The following GRIK1 variants were observed in gnomAD, a reference collection of about 807,000 sequenced individuals.
The protein encoded by GRIK1 is glutamate ionotropic receptor kainate type subunit 1, also known as glutamate receptor ionotropic, kainate 1.
In GRIK1, 69 loss-of-function variants were observed where a neutral mutation model predicts 105.7. That is an observed-to-expected ratio of 0.65 (90% CI 0.54 to 0.80). The LOEUF (loss-of-function observed/expected upper bound fraction) is 0.80, where lower values mean the gene tolerates loss of function less well. GRIK1 is among the 30% of genes least tolerant of loss of function. GRIK1 has a pLI of 0.00. For synonymous variants in GRIK1, 438 were observed against 431.3 expected (o/e 1.02, Z -0.19); for missense variants, 1,109 against 1,167.3 (o/e 0.95, Z 0.73).
At chr21:29,565,122 T>A (rs2090582424) in intron 14 of GRIK1, among the ~76,000 whole-genome samples, 1 of 152,178 alleles carries the variant, frequency 6.6e-6, no homozygotes, top group African/African-American at 2.4e-5. Flanking sequence ...GTAGGGGACT[T>A]GGTAAGTTGA....
At chr21:29,635,833 G>A (rs1417840325) in intron 7 of GRIK1, among the ~76,000 whole-genome samples, 2 of 152,156 alleles carry the variant, frequency 1.3e-5, no homozygotes, top group East Asian at 3.9e-4. Flanking sequence ...GTGTACTGCT[G>A]GATGTCAAGA....
At chr21:29,893,299 T>C (rs1212679681) in intron 1 of GRIK1, among the ~76,000 whole-genome samples, 1 of 152,214 alleles carries the variant, frequency 6.6e-6, no homozygotes, top group Non-Finnish European at 1.5e-5. Flanking sequence ...ATTTTCTCGG[T>C]TTCTTCATCT....
intron 4 of GRIK1, among the ~76,000 whole-genome samples, chr21:29,661,003 T>C (rs2062951495): frequency 1.3e-5 from 2 of 152,214 alleles, no homozygotes; most frequent in South Asian, 4.1e-4. Context: ...TTGCTAACTG[T>C]AATATTTTAG....
chr21:29,800,076 T>C (rs2066661580), intron 1 of GRIK1, among the ~76,000 whole-genome samples: 1 of 152,240 alleles, frequency 6.6e-6, no homozygotes, highest in South Asian at 2.1e-4. Context: ...CATCGTTCTC[T>C]TATGCCATGG....
chr21:29,922,753 CCCTTTTACACTT>C (rs1410793263), intron 1 of GRIK1, among the ~76,000 whole-genome samples: 6 of 152,160 alleles, frequency 3.9e-5, no homozygotes, highest in South Asian at 2.1e-4. Context: ...TATTCCTCGG[CCCTTTTACACTT>C]CATTTTCTTT....
intron 1 of GRIK1, among the ~76,000 whole-genome samples, chr21:29,760,927 A>C (rs1030944821): frequency 6.6e-6 from 1 of 152,214 alleles, no homozygotes; most frequent in Non-Finnish European, 1.5e-5. Flanking sequence ...GACAGATTCC[A>C]AAGGATTATG....
At chr21:29,682,251 A>G (rs1243010803) in intron 3 of GRIK1, among the ~76,000 whole-genome samples, 1 of 152,240 alleles carries the variant, frequency 6.6e-6, no homozygotes, top group Non-Finnish European at 1.5e-5. Context: ...AGTGTTCAGT[A>G]GCCATTAACT....
At chr21:29,544,116 G>A (rs2090013576) in intron 16 of GRIK1, among the ~76,000 whole-genome samples, 2 of 152,066 alleles carry the variant, frequency 1.3e-5, no homozygotes, top group African/African-American at 4.8e-5. Flanking sequence ...TCTCCTAAAT[G>A]AGCTCTTTAA....
intron 1 of GRIK1, among the ~76,000 whole-genome samples, chr21:29,915,854 C>T (rs1569215417): frequency 6.6e-6 from 1 of 151,918 alleles, no homozygotes; most frequent in Non-Finnish European, 1.5e-5. Context: ...ATCCAGATCC[C>T]CTCTTTGTTT....
chr21:29,923,775 C>T (rs1277920651), intron 1 of GRIK1, among the ~76,000 whole-genome samples: 2 of 152,064 alleles, frequency 1.3e-5, no homozygotes, highest in African/African-American at 4.8e-5. Flanking sequence ...TCCCTTCAGC[C>T]TTATGTAATC....
At chr21:29,861,320 T>C (rs200696352) in intron 1 of GRIK1, among the ~76,000 whole-genome samples, 2 of 143,410 alleles carry the variant, frequency 1.4e-5, no homozygotes, top group Non-Finnish European at 3.1e-5. Flanking sequence ...TTTTTTTTTC[T>C]TTTGGAGACA....
At chr21:29,627,295 A>G (rs1568906485) in intron 7 of GRIK1, among the ~76,000 whole-genome samples, 2 of 152,346 alleles carry the variant, frequency 1.3e-5, no homozygotes, top group East Asian at 3.9e-4. Flanking sequence ...CATTACTAGC[A>G]TTTGGTAGAT....
chr21:29,554,013 C>T (rs1312463866), intron 16 of GRIK1, among the ~76,000 whole-genome samples: 1 of 152,086 alleles, frequency 6.6e-6, no homozygotes, highest in Non-Finnish European at 1.5e-5. Context: ...GGAAGATTTT[C>T]ATGTGAAACC....
At chr21:29,749,902 G>A (rs1229332349) in intron 1 of GRIK1, among the ~76,000 whole-genome samples, 1 of 152,126 alleles carries the variant, frequency 6.6e-6, no homozygotes, top group Non-Finnish European at 1.5e-5. Context: ...TTTATGAAAA[G>A]TGTAAATTTC....
intron 1 of GRIK1, among the ~76,000 whole-genome samples, chr21:29,707,640 C>T (rs1196608858): frequency 2.0e-5 from 3 of 151,858 alleles, no homozygotes; most frequent in South Asian, 2.1e-4. Flanking sequence ...GGCCTACAGG[C>T]GTTCGCCACC....
At chr21:29,923,507 T>C (rs780729593) in intron 1 of GRIK1, among the ~76,000 whole-genome samples, 15 of 152,114 alleles carry the variant, frequency 9.9e-5, no homozygotes, top group Non-Finnish European at 2.1e-4. Flanking sequence ...AGTTTGGAAA[T>C]GAAATATACC....
At chr21:29,803,596 C>T (rs1438389675) in intron 1 of GRIK1, among the ~76,000 whole-genome samples, 1 of 152,052 alleles carries the variant, frequency 6.6e-6, no homozygotes, top group Non-Finnish European at 1.5e-5. Context: ...GCAGGGCTTT[C>T]ACTAAGTAAA....
chr21:29,697,943 TTTC>T (rs781496506), intron 1 of GRIK1, among the ~76,000 whole-genome samples: 33 of 137,594 alleles, frequency 2.4e-4, no homozygotes, highest in African/African-American at 3.3e-5. Context: ...TCTTTCTTTC[TTTC>T]TTTTTTCTTT....
chr21:29,650,645 C>T (rs2062713198), intron 6 of GRIK1, among the ~76,000 whole-genome samples: 1 of 152,160 alleles, frequency 6.6e-6, no homozygotes, highest in East Asian at 1.9e-4. Context: ...AGAGGTGAAC[C>T]TATACGCATC....
Sources: allele counts gnomAD v4.1 joint callset (sites outside exome capture counted in the v4.1 genomes callset), GRCh38; gene constraint gnomAD v4.1.1; transcripts MANE v1.5; gene names NCBI Gene and HGNC (gene_info 2026-07-23, HGNC 2026-07-21).